The following PRDM16 variants were observed in gnomAD, a reference collection of about 807,000 sequenced individuals.
The protein encoded by PRDM16 is histone-lysine N-methyltransferase PRDM16.
Under a neutral mutation model 110.6 loss-of-function variants are expected in PRDM16, and 23 were observed. That is an observed-to-expected ratio of 0.21 (90% CI 0.15 to 0.29). The LOEUF (loss-of-function observed/expected upper bound fraction) is 0.29. PRDM16 is among the 10% of genes least tolerant of loss of function. PRDM16 has a pLI of 1.00. For synonymous variants in PRDM16, 799 were observed against 781.8 expected, an observed-to-expected ratio of 1.02 and a Z score of -0.37; for missense variants, 1,615 against 1,794.3, an observed-to-expected ratio of 0.90 and a Z score of 1.81.
intron 8 of PRDM16, among the ~76,000 whole-genome samples, chr1:3,407,998 A>T (rs2100652048): frequency 6.6e-6 from 1 of 152,372 alleles, no homozygotes; most frequent in South Asian, 2.1e-4. Context: ...CAAGCAACGC[A>T]GCCCTGGTAT....
chr1:3,247,829 C>G (rs1639825098), intron 3 of PRDM16, among the ~76,000 whole-genome samples: 2 of 152,382 alleles, frequency 1.3e-5, no homozygotes, highest in Admixed American at 1.3e-4. Context: ...CGGGCTGCGT[C>G]GCGCCTTTCC....
intron 3 of PRDM16, among the ~76,000 whole-genome samples, chr1:3,267,158 G>A (rs1640314368): frequency 6.6e-6 from 1 of 152,110 alleles, no homozygotes; most frequent in Admixed American, 6.5e-5. Context: ...CCCTGTACCC[G>A]TGAGCAGCCA....
intron 1 of PRDM16, among the ~76,000 whole-genome samples, chr1:3,173,869 A>G (rs1288367594): frequency 3.3e-5 from 5 of 152,212 alleles, no homozygotes; most frequent in African/African-American, 1.2e-4. Flanking sequence ...GAAGGGGGCC[A>G]ACAACCTGCT....
chr1:3,385,115 G>C (rs747391189), intron 3 of PRDM16, 37 bp from the exon 4 acceptor site: 2 of 1,612,098 alleles, frequency 1.2e-6, no homozygotes, highest in South Asian at 2.2e-5. Flanking sequence ...CAGCACACAG[G>C]GCACCTCTGA....
chr1:3,205,155 C>G (rs1407608842), intron 2 of PRDM16, among the ~76,000 whole-genome samples: 2 of 151,330 alleles, frequency 1.3e-5, no homozygotes, highest in African/African-American at 2.4e-5. Context: ...TATGTTCTTA[C>G]CTAGAGCCGG....
At chr1:3,328,750 G>A (rs1181535536) in intron 3 of PRDM16, among the ~76,000 whole-genome samples, 1 of 152,194 alleles carries the variant, frequency 6.6e-6, no homozygotes, top group African/African-American at 2.4e-5. Flanking sequence ...CTGGCACATG[G>A]AGCAGCTCAC....
At position 3,213,727 on chromosome 1, in the gene PRDM16, C is replaced by T. The variant is rs1220314833; in HGVS notation, c.387+27253C>T. On this transcript the variant is annotated intron_variant, in intron 2 of 16. Coordinates refer to ENST00000270722, the MANE Select transcript of PRDM16 (RefSeq NM_022114.4). This position sits in a 1 kb window ranked among gnomAD's most constrained non-coding sequence, Gnocchi z 5.3. ...CTGGCCCAGGAGGTTCTGCTCTCCCCAGGCAAGGAAGCGGGGTTTCCGGGA... is the reference window on the plus strand; with the variant it reads ...CTGGCCCAGGAGGTTCTGCTCTCCCTAGGCAAGGAAGCGGGGTTTCCGGGA... 2.6e-5 allele frequency among the ~76,000 whole-genome samples: 4 copies of T among 152,112 alleles called. No individual in the cohort carries two copies. Among genetic ancestry groups the T allele is most frequent in the Non-Finnish European group, 4.4e-5 (3 of 68,018 alleles).
chr1:3,150,354 G>A (rs530368315), intron 1 of PRDM16, among the ~76,000 whole-genome samples: 6 of 147,062 alleles, frequency 4.1e-5, no homozygotes, highest in African/African-American at 1.3e-4. Flanking sequence ...TCAGGAGTTC[G>A]AGACCAGCCT....
chr1:3,226,120 CAGG>C (rs1639283617), intron 2 of PRDM16, among the ~76,000 whole-genome samples: 1 of 152,236 alleles, frequency 6.6e-6, no homozygotes, highest in Non-Finnish European at 1.5e-5. Context: ...CAGGTGCCAG[CAGG>C]TAAGGCTGGG....
intron 1 of PRDM16, among the ~76,000 whole-genome samples, chr1:3,083,789 C>G (rs889422036): frequency 7.9e-5 from 12 of 152,176 alleles, no homozygotes; most frequent in African/African-American, 2.9e-4. Flanking sequence ...CTTCCGACTG[C>G]TGGGATTGTG....
intron 1 of PRDM16, among the ~76,000 whole-genome samples, chr1:3,171,662 G>A (rs1206972983): frequency 6.6e-6 from 1 of 152,156 alleles, no homozygotes; most frequent in African/African-American, 2.4e-5. Context: ...GCCCTCCTCG[G>A]GCTGGCAAGC....
chr1:3,088,885 C>T (rs916610060), intron 1 of PRDM16, among the ~76,000 whole-genome samples: 1 of 152,048 alleles, frequency 6.6e-6, no homozygotes, highest in Non-Finnish European at 1.5e-5. Flanking sequence ...CGGGTTCAAG[C>T]GATTCTTCTG....
At chr1:3,085,332 T>C (rs1276966233) in intron 1 of PRDM16, among the ~76,000 whole-genome samples, 1 of 152,090 alleles carries the variant, frequency 6.6e-6, no homozygotes, top group Non-Finnish European at 1.5e-5. Context: ...AGAACCAAGG[T>C]GCGGCTAGAT....
intron 3 of PRDM16, among the ~76,000 whole-genome samples, chr1:3,320,403 T>A (rs1401332168): frequency 6.6e-6 from 1 of 152,180 alleles, no homozygotes; most frequent in Admixed American, 6.5e-5. Flanking sequence ...TGGGGCTTGG[T>A]CTCTGCAAAG....
Position 3,358,706 on chromosome 1 carries a change from C to T in PRDM16, c.439-26446C>T, listed in dbSNP as rs538346176. On this transcript the variant is annotated intron_variant, in intron 3 of 16. Coordinates refer to ENST00000270722, the MANE Select transcript of PRDM16 (RefSeq NM_022114.4). This position sits in a 1 kb window ranked among gnomAD's most constrained non-coding sequence, Gnocchi z 4.0. The stretch of plus-strand genomic sequence containing the variant: ...GGCTGGGGCTCCCGTGAACAAATAT[C>T]GCCACGTGTGCGCGATCAGAGCTGA... Among the ~76,000 whole-genome samples, 76 of 152,284 alleles carry T rather than the reference C, an allele frequency of 5.0e-4. No individual in the cohort carries two copies. The highest frequency in any genetic ancestry group is 1.6e-3 in the African/African-American group (65 of 41,564).
chr1:3,347,626 A>C (rs2483289), intron 3 of PRDM16, among the ~76,000 whole-genome samples: 111,688 of 152,180 alleles, frequency 0.73, 41,403 homozygotes, highest in East Asian at 0.83. Context: ...TTGGGAGTCC[A>C]TGACCCTGCC....
intron 1 of PRDM16, among the ~76,000 whole-genome samples, chr1:3,179,796 C>T (rs1285094326): frequency 3.3e-5 from 5 of 152,268 alleles, no homozygotes; most frequent in South Asian, 2.1e-4. Context: ...GATCCGGCCC[C>T]GAGTGATCTC....
chr1:3,191,422 G>A (rs1003639651), intron 2 of PRDM16, among the ~76,000 whole-genome samples: 1 of 152,170 alleles, frequency 6.6e-6, no homozygotes, highest in Non-Finnish European at 1.5e-5. Flanking sequence ...GGTCCCCAGA[G>A]CCCACTGAGA....
chr1:3,265,806 G>C lies in PRDM16; in HGVS notation c.438+21669G>C, dbSNP rs2100266692. On this transcript the variant is annotated intron_variant, in intron 3 of 16. Coordinates refer to ENST00000270722, the MANE Select transcript of PRDM16 (RefSeq NM_022114.4). The surrounding 1 kb of genome is among the most constrained non-coding windows in gnomAD (Gnocchi z 4.5). ...CTCTGTCCTCACCGCCCAGACCCTA[G>C]GAGCCCCCAGACCCTGCCTCAGTGG... Among the ~76,000 whole-genome samples, 1 of 152,238 alleles carries C rather than the reference G, an allele frequency of 6.6e-6. No individual in the cohort carries two copies. The highest frequency in any genetic ancestry group is 2.1e-4 in the South Asian group (1 of 4,826).
Sources: gnomAD v4.1 joint callset for allele counts (sites outside exome capture counted in the v4.1 genomes callset) on GRCh38, gnomAD v4.1.1 for gene constraint, Gnocchi (gnomAD v3.1) non-coding constraint, MANE v1.5 for transcripts, NCBI Gene and HGNC (gene_info 2026-07-23, HGNC 2026-07-21) for gene names.